PCSK5: variants seen among roughly 807,000 people sequenced by gnomAD.
PCSK5 encodes proprotein convertase subtilisin/kexin type 5.
In PCSK5, 129 loss-of-function variants were observed where a neutral mutation model predicts 233.2. The observed-to-expected ratio is 0.55, with a 90% CI of 0.48 to 0.64. The LOEUF (loss-of-function observed/expected upper bound fraction) is 0.64. PCSK5 is among the 30% of genes least tolerant of loss of function. The pLI, the probability that PCSK5 is intolerant of heterozygous loss-of-function variation, is 0.00. For synonymous variants in PCSK5, 825 were observed against 879.2 expected (o/e 0.94, Z 1.09); for missense variants, 2,076 against 2,430.1 (o/e 0.85, Z 3.06).
chr9:76,077,160 C>T (rs1371279862), intron 7 of PCSK5, among the ~76,000 whole-genome samples: 3 of 152,116 alleles, frequency 2.0e-5, no homozygotes, highest in Non-Finnish European at 4.4e-5. Context: ...ACCTGACCTT[C>T]CATCTTTATC....
At chr9:75,898,340 G>T (rs926682968) in intron 1 of PCSK5, among the ~76,000 whole-genome samples, 20 of 152,214 alleles carry the variant, frequency 1.3e-4, no homozygotes, top group African/African-American at 4.6e-4. Context: ...TAGTGCTAAT[G>T]TCAGCTGTTT....
chr9:76,132,999 C>T (rs1395691913), intron 9 of PCSK5, among the ~76,000 whole-genome samples: 1 of 151,978 alleles, frequency 6.6e-6, no homozygotes, highest in African/African-American at 2.4e-5. Flanking sequence ...TCTCCCTCTG[C>T]CTGAAAGACC....
intron 6 of PCSK5, among the ~76,000 whole-genome samples, chr9:76,070,529 T>C (rs776250037): frequency 3.3e-5 from 5 of 152,164 alleles, no homozygotes; most frequent in South Asian, 2.1e-4. Flanking sequence ...GGATAAAGGG[T>C]CACATCTGTC....
intron 1 of PCSK5, among the ~76,000 whole-genome samples, chr9:75,899,060 A>G (rs1318959019): frequency 6.6e-6 from 1 of 152,176 alleles, no homozygotes; most frequent in African/African-American, 2.4e-5. Context: ...GAGCCATGAC[A>G]ATGGAAAGAT....
At chr9:75,985,488 G>T (rs1786216429) in intron 2 of PCSK5, among the ~76,000 whole-genome samples, 1 of 151,856 alleles carries the variant, frequency 6.6e-6, no homozygotes, top group Non-Finnish European at 1.5e-5. Context: ...CCACCGCACG[G>T]TGTTGTAGAA....
At chr9:75,977,909 C>T (rs2052110824) in intron 2 of PCSK5, among the ~76,000 whole-genome samples, 1 of 150,774 alleles carries the variant, frequency 6.6e-6, no homozygotes, top group South Asian at 2.1e-4. Context: ...CCGCGCCCGG[C>T]CAAGAGTGGG....
chr9:76,274,125 C>A (rs959043567), intron 24 of PCSK5, among the ~76,000 whole-genome samples: 10 of 151,738 alleles, frequency 6.6e-5, no homozygotes, highest in Admixed American at 1.3e-4. Flanking sequence ...TGTTTTTTAG[C>A]TTTTATTGCC....
intron 1 of PCSK5, among the ~76,000 whole-genome samples, chr9:75,895,611 C>A (rs181349204): frequency 2.6e-5 from 4 of 152,330 alleles, no homozygotes; most frequent in Admixed American, 2.0e-4. Flanking sequence ...GCAGGGCCCT[C>A]TTCCCTCATT....
intron 16 of PCSK5, among the ~76,000 whole-genome samples, chr9:76,183,308 A>G (rs2131222200): frequency 6.6e-6 from 1 of 152,244 alleles, no homozygotes; most frequent in Non-Finnish European, 1.5e-5. Context: ...TGGTTTGTAT[A>G]TCTCTCTCTT....
intron 6 of PCSK5, among the ~76,000 whole-genome samples, chr9:76,068,754 A>G (rs1830376712): frequency 6.6e-6 from 1 of 152,206 alleles, no homozygotes; most frequent in East Asian, 1.9e-4. Context: ...ACAAATGGGA[A>G]GAAAATATTG....
At chr9:75,962,213 G>C (rs1163868831) in intron 2 of PCSK5, among the ~76,000 whole-genome samples, 1 of 152,170 alleles carries the variant, frequency 6.6e-6, no homozygotes, top group Non-Finnish European at 1.5e-5. Flanking sequence ...GAAGGAGCAT[G>C]GGTGGTTTCT....
chr9:76,039,376 G>C (rs1829000075), intron 5 of PCSK5, among the ~76,000 whole-genome samples: 1 of 152,058 alleles, frequency 6.6e-6, no homozygotes, highest in Non-Finnish European at 1.5e-5. Flanking sequence ...AAAATACTTT[G>C]TTAAGGATGG....
At chr9:76,261,722 G>A (rs935409398) in intron 24 of PCSK5, among the ~76,000 whole-genome samples, 4 of 152,098 alleles carry the variant, frequency 2.6e-5, no homozygotes, top group South Asian at 2.1e-4. Context: ...GGTCCTTCAC[G>A]TCCCTTGTAA....
intron 20 of PCSK5, among the ~76,000 whole-genome samples, chr9:76,216,754 CA>C: frequency 6.6e-6 from 1 of 152,176 alleles, no homozygotes; most frequent in East Asian, 1.9e-4. Flanking sequence ...ATGGTTAATA[CA>C]ATTGGAGTCT....
intron 25 of PCSK5, among the ~76,000 whole-genome samples, chr9:76,293,800 A>G (rs146073423): frequency 6.6e-6 from 1 of 152,288 alleles, no homozygotes; most frequent in African/African-American, 2.4e-5. Context: ...ACATGCTCCA[A>G]TATCACTAAG....
intron 1 of PCSK5, among the ~76,000 whole-genome samples, chr9:75,920,501 T>C (rs1823206751): frequency 6.6e-6 from 1 of 152,170 alleles, no homozygotes; most frequent in African/African-American, 2.4e-5. Context: ...AAATGGGTTA[T>C]TTTAAATGCT....
Position 75,891,092 on chromosome 9 carries a change from CCG to C in PCSK5, c.-89_-88del. Reference sequence around the variant, plus strand: ...AGCTGCGGCGGCCCGGGGCTGCTCGCCGGGCGGCGCAGGCCGGAGAAGTTAGT... The same window carrying C: ...AGCTGCGGCGGCCCGGGGCTGCTCGCGGCGGCGCAGGCCGGAGAAGTTAGT... On this transcript the variant is annotated 5_prime_UTR_variant, in exon 1 of 38. Coordinates refer to ENST00000674117, the MANE Select transcript of PCSK5 (RefSeq NM_001372043.1). 4.8e-5 allele frequency: 59 copies of C among 1,240,240 alleles called. No individual in the cohort carries two copies. The highest frequency in any genetic ancestry group is 5.8e-5 in the Non-Finnish European group (56 of 961,824). 76.8% of individuals were successfully genotyped at this position (1,240,240 alleles called of 1,614,324 possible).
At chr9:76,029,693 C>T (rs1828575456) in intron 5 of PCSK5, among the ~76,000 whole-genome samples, 1 of 152,184 alleles carries the variant, frequency 6.6e-6, no homozygotes, top group African/African-American at 2.4e-5. Context: ...GGGTAAATTT[C>T]TCTCCTCTTG....
rs778714072 is a variant in PCSK5, at chr9:76,219,248, A to C, written c.2627-8255A>C. On this transcript the variant is annotated intron_variant, in intron 20 of 37. Transcript: ENST00000674117. The stretch of plus-strand genomic sequence containing the variant: ...GAGTGTGGGAGATGAATGATGAGCC[A>C]GCACTTTCTATGTGTTGATGCAGAG... Among the ~76,000 whole-genome samples the C allele has an allele frequency of 4.7e-4, 72 of 152,218 alleles. 1 individual carries two copies. The highest frequency in any genetic ancestry group is 9.3e-4 in the Non-Finnish European group (63 of 68,042).
Sources: allele counts gnomAD v4.1 joint callset (sites outside exome capture counted in the v4.1 genomes callset), GRCh38; gene constraint gnomAD v4.1.1; transcripts MANE v1.5; gene names NCBI Gene and HGNC (gene_info 2026-07-23, HGNC 2026-07-21).